Variants in KIAA1217 observed in about 807,000 individuals in gnomAD.
KIAA1217 encodes KIAA1217, also known as sickle tail protein homolog.
In KIAA1217, 88 loss-of-function variants were observed where a neutral mutation model predicts 163.9. The observed-to-expected ratio is 0.54, with a 90% CI of 0.45 to 0.64. KIAA1217 has a LOEUF of 0.64. KIAA1217 is among the 30% of genes least tolerant of loss of function. The pLI is 0.00. For synonymous variants in KIAA1217, 903 were observed against 923.1 expected (o/e 0.98, Z 0.39); for missense variants, 2,372 against 2,475.0 (o/e 0.96, Z 0.88).
intron 5 of KIAA1217, among the ~76,000 whole-genome samples, chr10:24,471,843 C>T (rs1019168163): frequency 2.3e-4 from 34 of 147,546 alleles, no homozygotes; most frequent in African/African-American, 7.0e-4. Context: ...GCTGAGATTG[C>T]GCCACTGCAC....
At chr10:24,541,664 C>T (rs1457691474) in intron 17 of KIAA1217, among the ~76,000 whole-genome samples, 1 of 152,184 alleles carries the variant, frequency 6.6e-6, no homozygotes, top group Non-Finnish European at 1.5e-5. Flanking sequence ...AGTGTTATGT[C>T]AGGGCCTGAG....
chr10:24,184,247 G>A (rs2066318383), intron 2 of KIAA1217, among the ~76,000 whole-genome samples: 2 of 152,184 alleles, frequency 1.3e-5, no homozygotes, highest in Non-Finnish European at 2.9e-5. Context: ...ACTTGAAATG[G>A]GCTGAATCCC....
chr10:23,806,508 A>G (rs1165291008), intron 1 of KIAA1217, among the ~76,000 whole-genome samples: 1 of 152,026 alleles, frequency 6.6e-6, no homozygotes, highest in Non-Finnish European at 1.5e-5. Context: ...TTTTACATTC[A>G]TCTGTCTTGC....
intron 2 of KIAA1217, among the ~76,000 whole-genome samples, chr10:24,220,530 C>T (rs1204949487): frequency 7.1e-6 from 1 of 141,120 alleles, no homozygotes; most frequent in Non-Finnish European, 1.5e-5. Flanking sequence ...TCTTGGTTCA[C>T]TGCAAGCTCT....
chr10:24,490,539 C>T (rs2133638474), intron 6 of KIAA1217, among the ~76,000 whole-genome samples: 1 of 152,290 alleles, frequency 6.6e-6, no homozygotes, highest in South Asian at 2.1e-4. Flanking sequence ...AATGGAAAGA[C>T]AATCTTATTT....
chr10:24,029,990 C>T (rs1848126177), intron 2 of KIAA1217, among the ~76,000 whole-genome samples: 2 of 152,148 alleles, frequency 1.3e-5, no homozygotes, highest in Non-Finnish European at 2.9e-5. Context: ...CTTAAACCTA[C>T]CTTGTGAAAA....
chr10:24,183,063 A>T (rs1273933363), intron 2 of KIAA1217, among the ~76,000 whole-genome samples: 2 of 152,226 alleles, frequency 1.3e-5, no homozygotes, highest in Non-Finnish European at 2.9e-5. Context: ...GGACTGAATT[A>T]GTGCCCACAA....
At chr10:24,284,380 C>T (rs1326467409) in intron 2 of KIAA1217, among the ~76,000 whole-genome samples, 3 of 152,084 alleles carry the variant, frequency 2.0e-5, no homozygotes, top group Non-Finnish European at 4.4e-5. Flanking sequence ...GTTCCTCTCC[C>T]TCCCACTCTT....
chr10:23,841,151 C>T (rs1461227643), intron 1 of KIAA1217, among the ~76,000 whole-genome samples: 1 of 152,134 alleles, frequency 6.6e-6, no homozygotes, highest in African/African-American at 2.4e-5. Flanking sequence ...ACTTTTATTA[C>T]TATTAGTGCT....
intron 1 of KIAA1217, among the ~76,000 whole-genome samples, chr10:23,856,600 C>T (rs1839680835): frequency 6.6e-6 from 1 of 152,246 alleles, no homozygotes; most frequent in Admixed American, 6.5e-5. Flanking sequence ...TTGTCTGTGA[C>T]CTGTGCCCAG....
intron 1 of KIAA1217, among the ~76,000 whole-genome samples, chr10:23,851,288 T>C (rs1242364865): frequency 2.6e-5 from 4 of 152,132 alleles, no homozygotes; most frequent in African/African-American, 9.7e-5. Context: ...CTTGCGATAG[T>C]TTACTGAGAA....
intron 1 of KIAA1217, among the ~76,000 whole-genome samples, chr10:23,698,764 A>C (rs1836212076): frequency 6.6e-6 from 1 of 152,142 alleles, no homozygotes; most frequent in Non-Finnish European, 1.5e-5. Flanking sequence ...ATCCAGGGGC[A>C]GTCTAACGGA....
At chr10:23,945,075 A>AAAAAAAAG (rs763057448) in intron 1 of KIAA1217, among the ~76,000 whole-genome samples, 1 of 146,392 alleles carries the variant, frequency 6.8e-6, no homozygotes, top group Non-Finnish European at 1.5e-5. Context: ...AAAAAAAAAA[A>AAAAAAAAG]GGGTTTTAAC....
At chr10:24,343,294 T>C (rs1297588175) in intron 2 of KIAA1217, among the ~76,000 whole-genome samples, 1 of 152,232 alleles carries the variant, frequency 6.6e-6, no homozygotes, top group East Asian at 1.9e-4. Context: ...ATCCTGTATA[T>C]TAACTTTTTA....
intron 5 of KIAA1217, among the ~76,000 whole-genome samples, chr10:24,452,911 A>G (rs2061495595): frequency 6.6e-6 from 1 of 152,180 alleles, no homozygotes; most frequent in Non-Finnish European, 1.5e-5. Context: ...CCATAAATAT[A>G]TACACCTACT....
intron 2 of KIAA1217, among the ~76,000 whole-genome samples, chr10:24,076,730 G>A (rs1204558528): frequency 2.6e-5 from 4 of 152,036 alleles, no homozygotes; most frequent in Admixed American, 6.6e-5. Context: ...AAAAATAAAA[G>A]GCTGTTCTCT....
intron 10 of KIAA1217, among the ~76,000 whole-genome samples, chr10:24,519,705 C>T (rs868481002): frequency 1.3e-5 from 2 of 152,242 alleles, no homozygotes; most frequent in East Asian, 3.9e-4. Flanking sequence ...TGATATTAAC[C>T]ACTGTGGGCT....
At chr10:23,888,236 T>C (rs141506606) in intron 1 of KIAA1217, among the ~76,000 whole-genome samples, 63 of 152,086 alleles carry the variant, frequency 4.1e-4, no homozygotes, top group African/African-American at 1.4e-3. Context: ...CATTAAACCT[T>C]GGGACTAGAT....
At chr10:23,798,212 T>C (rs946027044) in intron 1 of KIAA1217, among the ~76,000 whole-genome samples, 2 of 152,158 alleles carry the variant, frequency 1.3e-5, no homozygotes, top group Non-Finnish European at 2.9e-5. Flanking sequence ...ATGGGTGAGA[T>C]TGTCATAGCA....
Sources: allele counts gnomAD v4.1 joint callset (sites outside exome capture counted in the v4.1 genomes callset), GRCh38; gene constraint gnomAD v4.1.1; transcripts MANE v1.5; gene names NCBI Gene and HGNC (gene_info 2026-07-23, HGNC 2026-07-21).